ABTB2: variants seen among roughly 807,000 people sequenced by gnomAD.
ABTB2 encodes ankyrin repeat and BTB domain containing 2, also known as ankyrin repeat and BTB/POZ domain-containing protein 2.
In ABTB2, 56 loss-of-function variants were observed where a neutral mutation model predicts 104.1. The observed-to-expected ratio is 0.54, with a 90% CI of 0.43 to 0.67. The LOEUF is 0.67. ABTB2 is among the 30% of genes least tolerant of loss of function. ABTB2 has a pLI of 0.00. For missense variants in ABTB2, 1,279 were observed against 1,407.7 expected, an observed-to-expected ratio of 0.91 and a Z score of 1.46; for synonymous variants, 606 against 608.2, an observed-to-expected ratio of 1.00 and a Z score of 0.05.
At chr11:34,287,619 A>G (rs188516108) in intron 1 of ABTB2, among the ~76,000 whole-genome samples, 112 of 152,306 alleles carry the variant, frequency 7.4e-4, no homozygotes, top group Middle Eastern at 3.4e-3. Flanking sequence ...CCAGTCACCA[A>G]ATAGACCTAC....
rs902159313 is a variant in ABTB2, at chr11:34,151,762, A to C, written c.*625T>G. 1 of 152,920 alleles carries C rather than the reference A, an allele frequency of 6.5e-6. No homozygotes were observed. The highest frequency in any genetic ancestry group is 1.5e-5 in the Non-Finnish European group (1 of 68,690). The allele number at this position is 152,920 out of a possible 1,614,324, so 9.5% of individuals were successfully genotyped here. Reference sequence around the variant, plus strand: ...AGGGACTCTGGAAGCCCAGGCACCAAAGACAATGGGGGAACTCCGGGTGGC... The same window carrying C: ...AGGGACTCTGGAAGCCCAGGCACCACAGACAATGGGGGAACTCCGGGTGGC... On this transcript the variant is annotated 3_prime_UTR_variant, in exon 17 of 17. Coordinates refer to ENST00000435224, the MANE Select transcript of ABTB2 (RefSeq NM_145804.3).
intron 1 of ABTB2, among the ~76,000 whole-genome samples, chr11:34,281,274 G>C (rs1854446303): frequency 6.6e-6 from 1 of 152,180 alleles, no homozygotes; most frequent in African/African-American, 2.4e-5. Flanking sequence ...TCCGCTATCT[G>C]CTTCTCCATG....
chr11:34,297,472 C>T (rs1039999151), intron 1 of ABTB2, among the ~76,000 whole-genome samples: 8 of 152,168 alleles, frequency 5.3e-5, no homozygotes, highest in Admixed American at 5.2e-4. Context: ...AGACTCAGTG[C>T]TATGGTTTTA....
At chr11:34,160,617 GTGTTGGGTGGGGGGGTT>G (rs1852698563) in intron 11 of ABTB2, among the ~76,000 whole-genome samples, 1 of 147,946 alleles carries the variant, frequency 6.8e-6, no homozygotes, top group Non-Finnish European at 1.5e-5. Flanking sequence ...GTGTGTGTGT[GTGTTGGGTGGGGGGGTT>G]CCTGGGTGCT....
intron 1 of ABTB2, among the ~76,000 whole-genome samples, chr11:34,214,142 AC>A (rs1218934393): frequency 4.7e-5 from 5 of 106,584 alleles, no homozygotes; most frequent in African/African-American, 1.6e-4. Flanking sequence ...CATTCAAAAC[AC>A]ACACACACAC....
chr11:34,167,164 G>A, intron 7 of ABTB2, 95 bp downstream of exon 7: 1 of 1,179,940 alleles, frequency 8.5e-7, no homozygotes, highest in Non-Finnish European at 1.2e-6. Context: ...CTCTGATTCA[G>A]GGCACCTGCC....
chr11:34,167,841 GA>G (rs1476116394), intron 6 of ABTB2, 61 bp downstream of exon 6: 1 of 1,542,964 alleles, frequency 6.5e-7, no homozygotes, highest in Non-Finnish European at 8.9e-7. Context: ...GTGTTTGTTG[GA>G]GCCCTCGGAG....
intron 13 of ABTB2, 73 bp from the exon 14 acceptor site, chr11:34,159,459 T>C: frequency 1.0e-6 from 1 of 969,498 alleles, no homozygotes; most frequent in Non-Finnish European, 1.7e-6. Flanking sequence ...TGGCACCATC[T>C]GTCACCTGAC....
At chr11:34,239,091 C>A (rs1853881562) in intron 1 of ABTB2, among the ~76,000 whole-genome samples, 1 of 152,142 alleles carries the variant, frequency 6.6e-6, no homozygotes, top group Non-Finnish European at 1.5e-5. Context: ...GTTTTCCCTG[C>A]TGGATTAGAA....
At chr11:34,198,731 T>A (rs1189693579) in intron 2 of ABTB2, among the ~76,000 whole-genome samples, 1 of 152,130 alleles carries the variant, frequency 6.6e-6, no homozygotes, top group African/African-American at 2.4e-5. Context: ...ATTTTCAATA[T>A]CTCACCAGCC....
chr11:34,243,673 GAAGA>G (rs1853949714), intron 1 of ABTB2, among the ~76,000 whole-genome samples: 1 of 152,168 alleles, frequency 6.6e-6, no homozygotes, highest in Non-Finnish European at 1.5e-5. Flanking sequence ...TAACTTTCTT[GAAGA>G]GTCAATGAGA....
chr11:34,204,649 C>T lies in ABTB2; in HGVS notation c.925G>A (p.Gly309Arg), dbSNP rs747226456. The T allele has an allele frequency of 6.2e-6, 10 of 1,614,000 alleles. No homozygotes were observed. The highest frequency in any genetic ancestry group is 2.2e-5 in the East Asian group (1 of 44,860). The change falls in exon 2 of 17, where the codon GGG (glycine) becomes AGG (arginine). Residue 309 changes from glycine (G) to arginine (R), a missense_variant. Gly to Arg is a moderately radical substitution (Grantham distance 125). Transcript: ENST00000435224. ...LPAYFSPYNG[G>R]SLGHDERADA... ...GCTCGCTCGTCATGGCCCAGGGACC[C>T]GCCGTTGTAGGGGCTGAAGTATGCG...
intron 14 of ABTB2, among the ~76,000 whole-genome samples, chr11:34,158,218 T>G (rs2133001813): frequency 6.6e-6 from 1 of 152,268 alleles, no homozygotes; most frequent in East Asian, 1.9e-4. Flanking sequence ...ATCGAGACCA[T>G]CCTGGCTAAC....
At chr11:34,180,155 T>A (rs1377255249) in intron 3 of ABTB2, among the ~76,000 whole-genome samples, 2 of 152,182 alleles carry the variant, frequency 1.3e-5, no homozygotes. Context: ...CCACAGCAAG[T>A]ATAAACATGT....
intron 2 of ABTB2, among the ~76,000 whole-genome samples, chr11:34,198,410 T>C (rs1397149825): frequency 6.7e-6 from 1 of 150,242 alleles, no homozygotes; most frequent in Admixed American, 6.6e-5. Context: ...GGGTGACTGG[T>C]GACAGTGAGA....
chr11:34,213,862 T>C (rs749068701), intron 1 of ABTB2, among the ~76,000 whole-genome samples: 1 of 152,200 alleles, frequency 6.6e-6, no homozygotes, highest in Non-Finnish European at 1.5e-5. Context: ...TTCGAGCTAC[T>C]GAGCTTTTTC....
intron 1 of ABTB2, among the ~76,000 whole-genome samples, chr11:34,330,994 G>T (rs1289425661): frequency 6.6e-6 from 1 of 152,182 alleles, no homozygotes; most frequent in Admixed American, 6.5e-5. Flanking sequence ...AATTTCAGTT[G>T]CTGAGCTTGG....
At chr11:34,348,039 C>T (rs1241705385) in intron 1 of ABTB2, among the ~76,000 whole-genome samples, 1 of 152,180 alleles carries the variant, frequency 6.6e-6, no homozygotes, top group Non-Finnish European at 1.5e-5. Flanking sequence ...GCCTGTAATG[C>T]TACATTCAGG....
At chr11:34,320,567 A>C (rs1234670258) in intron 1 of ABTB2, among the ~76,000 whole-genome samples, 2 of 152,232 alleles carry the variant, frequency 1.3e-5, no homozygotes, top group African/African-American at 2.4e-5. Flanking sequence ...TCTCCAAAGC[A>C]AAGTAGAACT....
Sources: gnomAD v4.1 joint callset for allele counts (sites outside exome capture counted in the v4.1 genomes callset) on GRCh38, gnomAD v4.1.1 for gene constraint, MANE v1.5 for transcripts, NCBI Gene and HGNC (gene_info 2026-07-23, HGNC 2026-07-21) for gene names.